The following SSH2 variants were observed in gnomAD, a reference collection of about 807,000 sequenced individuals.
SSH2 encodes protein phosphatase Slingshot homolog 2.
SSH2 carries 37 observed loss-of-function variants against 135.2 expected under a neutral mutation model. That is an observed-to-expected ratio of 0.27 (90% CI 0.21 to 0.36). SSH2 has a LOEUF of 0.36. SSH2 is among the 10% of genes least tolerant of loss of function. The pLI, the probability that SSH2 is intolerant of heterozygous loss-of-function variation, is 1.00. For missense variants in SSH2, 1,408 were observed against 1,765.3 expected (o/e 0.80, Z 3.63); for synonymous variants, 628 against 646.2 (o/e 0.97, Z 0.43).
intron 3 of SSH2, among the ~76,000 whole-genome samples, chr17:29,760,291 CCAG>C (rs372190839): frequency 2.0e-5 from 3 of 152,060 alleles, no homozygotes; most frequent in African/African-American, 7.3e-5. Context: ...TAGGAAAATC[CCAG>C]CAGGTGACTC....
intron 3 of SSH2, among the ~76,000 whole-genome samples, chr17:29,759,452 T>G (rs756819005): frequency 6.6e-6 from 1 of 152,220 alleles, no homozygotes; most frequent in Non-Finnish European, 1.5e-5. Flanking sequence ...TTAACCATTT[T>G]AAGTGTACAG....
intron 14 of SSH2, among the ~76,000 whole-genome samples, chr17:29,638,547 CACACACACACACACAG>C (rs1421599641): frequency 5.7e-4 from 85 of 150,072 alleles, no homozygotes; most frequent in Middle Eastern, 3.4e-3. Flanking sequence ...CACACACACA[CACACACACACACACAG>C]AGACAGGGTA....
At chr17:29,898,813 C>A (rs1439578603) in intron 1 of SSH2, among the ~76,000 whole-genome samples, 1 of 152,118 alleles carries the variant, frequency 6.6e-6, no homozygotes, top group East Asian at 1.9e-4. Flanking sequence ...CAAAGCCGGG[C>A]AGAGACACAA....
At chr17:29,703,920 A>G (rs972428889) in intron 3 of SSH2, among the ~76,000 whole-genome samples, 12 of 152,222 alleles carry the variant, frequency 7.9e-5, no homozygotes, top group African/African-American at 2.9e-4. Flanking sequence ...GCAGCAGTTA[A>G]GAGCGCAGGC....
intron 1 of SSH2, among the ~76,000 whole-genome samples, chr17:29,922,418 C>T (rs926963410): frequency 3.3e-5 from 5 of 151,996 alleles, no homozygotes; most frequent in Non-Finnish European, 7.4e-5. Flanking sequence ...AAAGGAAATA[C>T]GATTGAAGTG....
intron 1 of SSH2, among the ~76,000 whole-genome samples, chr17:29,919,460 G>A (rs2066936716): frequency 6.6e-6 from 1 of 152,200 alleles, no homozygotes; most frequent in Admixed American, 6.5e-5. Flanking sequence ...GAGGGGCACT[G>A]TGATCAGTAG....
chr17:29,770,155 A>G (rs960833650), intron 3 of SSH2, among the ~76,000 whole-genome samples: 2 of 139,208 alleles, frequency 1.4e-5, no homozygotes, highest in Non-Finnish European at 3.0e-5. Flanking sequence ...GCTGGAGTAC[A>G]GTGGTGCGAT....
intron 1 of SSH2, among the ~76,000 whole-genome samples, chr17:29,869,607 C>T (rs140896093): frequency 3.3e-5 from 5 of 152,094 alleles, no homozygotes; most frequent in Non-Finnish European, 4.4e-5. Flanking sequence ...AATGAAAGAT[C>T]GGGGAACTGC....
chr17:29,868,831 C>G (rs960755468), intron 1 of SSH2, among the ~76,000 whole-genome samples: 20 of 152,234 alleles, frequency 1.3e-4, no homozygotes, highest in African/African-American at 4.6e-4. Flanking sequence ...CTCCCCGTTC[C>G]CTTGGATGGG....
chr17:29,762,206 A>T (rs1374543660), intron 3 of SSH2, among the ~76,000 whole-genome samples: 2 of 151,928 alleles, frequency 1.3e-5, no homozygotes, highest in Admixed American at 1.3e-4. Context: ...AAACAGTTGA[A>T]GTAATGGTCA....
At position 29,626,440 on chromosome 17, in the gene SSH2, T is replaced by G. The variant is rs1274196878; in HGVS notation, c.*4401A>C. 6.5e-6 allele frequency: 1 copy of G among 152,778 alleles called. No homozygotes were observed. Among genetic ancestry groups the G allele is most frequent in the Non-Finnish European group, 1.5e-5 (1 of 68,044 alleles). The allele number at this position is 152,778 out of a possible 1,614,324, so 9.5% of individuals were successfully genotyped here. A position where few individuals can be genotyped will look rare whatever the true frequency, so the allele number is the denominator to read the frequency against. Reference sequence around the variant, plus strand: ...TTTTAGTTTGGGTATTAGCTCTGCATGTGTACACAGGACGCTGCCACCAGC... The same window carrying G: ...TTTTAGTTTGGGTATTAGCTCTGCAGGTGTACACAGGACGCTGCCACCAGC... On this transcript the variant is annotated 3_prime_UTR_variant, in exon 16 of 16. Coordinates refer to ENST00000540801, the MANE Select transcript of SSH2 (RefSeq NM_001282129.2).
intron 11 of SSH2, among the ~76,000 whole-genome samples, chr17:29,664,868 G>T (rs2037207734): frequency 6.6e-6 from 1 of 152,146 alleles, no homozygotes; most frequent in Admixed American, 6.6e-5. Context: ...TTGAGGAGTA[G>T]TTCTTGAGTG....
intron 2 of SSH2, among the ~76,000 whole-genome samples, chr17:29,804,001 CATG>C (rs1054710222): frequency 2.0e-5 from 3 of 152,142 alleles, no homozygotes; most frequent in Non-Finnish European, 4.4e-5. Context: ...GAGGCTCAGA[CATG>C]ATCAAATCAG....
intron 1 of SSH2, among the ~76,000 whole-genome samples, chr17:29,855,419 C>T (rs1482674478): frequency 2.0e-5 from 3 of 152,144 alleles, no homozygotes; most frequent in Admixed American, 6.5e-5. Context: ...GTCGGAGGAT[C>T]GCCTGAGCTC....
intron 2 of SSH2, among the ~76,000 whole-genome samples, chr17:29,814,502 A>G (rs1187741480): frequency 6.6e-6 from 1 of 151,458 alleles, no homozygotes; most frequent in Non-Finnish European, 1.5e-5. Context: ...CTGTCGAAGG[A>G]TCAGGAAAAA....
At chr17:29,828,925 C>T (rs1351271944) in intron 2 of SSH2, among the ~76,000 whole-genome samples, 1 of 152,160 alleles carries the variant, frequency 6.6e-6, no homozygotes, top group Non-Finnish European at 1.5e-5. Flanking sequence ...ACCCCAGTGG[C>T]GTTAAAGTAA....
chr17:29,683,693 G>GA (rs1249802669), intron 6 of SSH2, among the ~76,000 whole-genome samples: 1 of 151,268 alleles, frequency 6.6e-6, no homozygotes, highest in Non-Finnish European at 1.5e-5. Flanking sequence ...TTGGGAAGCC[G>GA]AAGTGGGAGG....
At chr17:29,887,953 G>A (rs766978004) in intron 1 of SSH2, among the ~76,000 whole-genome samples, 5 of 152,150 alleles carry the variant, frequency 3.3e-5, no homozygotes, top group Non-Finnish European at 7.4e-5. Context: ...AAACTATGCT[G>A]AGGCCAGGCG....
At chr17:29,741,108 G>A (rs901343532) in intron 3 of SSH2, among the ~76,000 whole-genome samples, 2 of 152,092 alleles carry the variant, frequency 1.3e-5, no homozygotes, top group African/African-American at 4.8e-5. Context: ...TATGAAACAG[G>A]GTCTTGATAA....
Sources: allele counts gnomAD v4.1 joint callset (sites outside exome capture counted in the v4.1 genomes callset), GRCh38; gene constraint gnomAD v4.1.1; transcripts MANE v1.5; gene names NCBI Gene and HGNC (gene_info 2026-07-23, HGNC 2026-07-21).